Variants in GRM5 observed in about 807,000 individuals in gnomAD.
GRM5 encodes glutamate metabotropic receptor 5, also known as metabotropic glutamate receptor 5.
In GRM5, 19 loss-of-function variants were observed where a neutral mutation model predicts 83.1. The observed-to-expected ratio is 0.23, with a 90% CI of 0.16 to 0.34. GRM5 has a LOEUF of 0.34. Ranked by LOEUF, GRM5 falls within the 10% of genes least tolerant of loss-of-function variation. The pLI is 1.00. For missense variants in GRM5, 1,160 were observed against 1,588.3 expected (o/e 0.73, Z 4.58); for synonymous variants, 675 against 633.6 (o/e 1.07, Z -0.98).
intron 2 of GRM5, among the ~76,000 whole-genome samples, chr11:88,862,946 G>C (rs1944591530): frequency 6.6e-6 from 1 of 152,040 alleles, no homozygotes; most frequent in East Asian, 1.9e-4. Flanking sequence ...TAAAAAGTGG[G>C]CAAAGGCCAT....
At chr11:88,805,516 T>C (rs1008103548) in intron 3 of GRM5, among the ~76,000 whole-genome samples, 15 of 145,494 alleles carry the variant, frequency 1.0e-4, no homozygotes, top group African/African-American at 3.8e-4. Context: ...ACAGAAAATA[T>C]TGATTTTTAA....
intron 2 of GRM5, among the ~76,000 whole-genome samples, chr11:88,895,006 T>C (rs1052588900): frequency 2.6e-5 from 4 of 151,942 alleles, no homozygotes; most frequent in Admixed American, 2.0e-4. Context: ...ATTTTTGTTA[T>C]AGTAGCCTGA....
At chr11:88,906,529 A>G (rs1945406915) in intron 2 of GRM5, among the ~76,000 whole-genome samples, 1 of 152,148 alleles carries the variant, frequency 6.6e-6, no homozygotes, top group Admixed American at 6.6e-5. Context: ...TTTCATTTCT[A>G]TTTTACTTTC....
chr11:88,597,433 A>G (rs186893017), intron 5 of GRM5, 81 bp from the exon 6 acceptor site: 774 of 717,766 alleles, frequency 1.1e-3, no homozygotes, highest in Non-Finnish European at 1.5e-3. Flanking sequence ...TTATTCCCAA[A>G]AATGTGTCTA....
intron 4 of GRM5, among the ~76,000 whole-genome samples, chr11:88,640,953 T>C (rs1046109681): frequency 5.9e-5 from 9 of 152,118 alleles, no homozygotes; most frequent in African/African-American, 2.2e-4. Context: ...ACAAAAAGTG[T>C]AGATTCTTCT....
chr11:88,534,499 A>G (rs149450276), intron 8 of GRM5, among the ~76,000 whole-genome samples: 1 of 152,134 alleles, frequency 6.6e-6, no homozygotes, highest in Non-Finnish European at 1.5e-5. Context: ...GTTTTGGCCA[A>G]TTTCTCCCAT....
chr11:88,570,426 C>T (rs917254410), intron 7 of GRM5, among the ~76,000 whole-genome samples: 13 of 150,704 alleles, frequency 8.6e-5, no homozygotes, highest in Non-Finnish European at 1.5e-4. Flanking sequence ...TAGTCATCTA[C>T]GTTCCCATGT....
In GRM5 at chr11:89,003,889, T is replaced by C. The variant is rs185796139; in HGVS notation, c.661+43323A>G. On this transcript the variant is annotated intron_variant, in intron 2 of 9. Transcript: ENST00000305447. Reference sequence around the variant, plus strand: ...CAGGTAGAATTAGCCAAAGCTGGAGTTGCTCCAGTCAAGTATGGTGGCAGG... The same window carrying C: ...CAGGTAGAATTAGCCAAAGCTGGAGCTGCTCCAGTCAAGTATGGTGGCAGG... Among the ~76,000 whole-genome samples the C allele has an allele frequency of 2.0e-4, 31 of 152,130 alleles. No homozygotes were observed. In the East Asian group the frequency reaches 6.0e-3, roughly 29 times the overall value.
chr11:88,741,282 A>G (rs1051939087), intron 3 of GRM5, among the ~76,000 whole-genome samples: 2 of 152,032 alleles, frequency 1.3e-5, no homozygotes, highest in African/African-American at 4.8e-5. Flanking sequence ...TTGCAACTGG[A>G]CCAGTACAGT....
chr11:88,796,360 G>A (rs1943273179), intron 3 of GRM5, among the ~76,000 whole-genome samples: 1 of 152,116 alleles, frequency 6.6e-6, no homozygotes. Flanking sequence ...GTCCTAGTAT[G>A]CTGTTTGGAA....
chr11:88,776,390 C>T (rs113587562), intron 3 of GRM5, among the ~76,000 whole-genome samples: 6 of 152,090 alleles, frequency 3.9e-5, no homozygotes, highest in African/African-American at 1.2e-4. Flanking sequence ...TGACTCTATC[C>T]AATTTGACAG....
intron 7 of GRM5, among the ~76,000 whole-genome samples, chr11:88,570,550 A>T (rs1051652892): frequency 6.9e-5 from 5 of 71,960 alleles, no homozygotes; most frequent in African/African-American, 3.3e-4. Flanking sequence ...AAGTATTAAT[A>T]ATATATATAT....
intron 1 of GRM5, among the ~76,000 whole-genome samples, chr11:89,052,472 A>G (rs1726488175): frequency 6.6e-6 from 1 of 152,190 alleles, no homozygotes; most frequent in African/African-American, 2.4e-5. Context: ...TGCAAGACTT[A>G]TATATTTCAG....
chr11:88,833,627 G>A (rs1944038857), intron 3 of GRM5, among the ~76,000 whole-genome samples: 1 of 152,146 alleles, frequency 6.6e-6, no homozygotes, highest in African/African-American at 2.4e-5. Context: ...GTATGTATCT[G>A]AAGAAAAGGA....
At chr11:89,023,493 C>T (rs1261834082) in intron 2 of GRM5, among the ~76,000 whole-genome samples, 7 of 152,042 alleles carry the variant, frequency 4.6e-5, no homozygotes, top group Non-Finnish European at 7.4e-5. Context: ...AGGGTCTTTC[C>T]TTGTCCAGCC....
chr11:88,796,846 C>T (rs1254109075), intron 3 of GRM5, among the ~76,000 whole-genome samples: 1 of 150,822 alleles, frequency 6.6e-6, no homozygotes, highest in Non-Finnish European at 1.5e-5. Context: ...GAAACAGGTG[C>T]CTGTATTTCT....
intron 3 of GRM5, among the ~76,000 whole-genome samples, chr11:88,841,085 C>CA (rs1311194890): frequency 6.6e-6 from 1 of 152,088 alleles, no homozygotes; most frequent in African/African-American, 2.4e-5. Context: ...ACTGTATTGT[C>CA]AAAAAACAGG....
chr11:88,947,513 C>G (rs2135674095), intron 2 of GRM5, among the ~76,000 whole-genome samples: 1 of 151,720 alleles, frequency 6.6e-6, no homozygotes, highest in South Asian at 2.1e-4. Context: ...TTCTTTTTAC[C>G]ATTGCGTCCT....
chr11:88,653,441 T>C (rs372474895), intron 3 of GRM5, 38 bp from the exon 4 acceptor site: 1 of 1,393,112 alleles, frequency 7.2e-7, no homozygotes, highest in Admixed American at 1.7e-5. Flanking sequence ...TTAGAACAGA[T>C]ATCTCCTAAG....
Sources: allele counts gnomAD v4.1 joint callset (sites outside exome capture counted in the v4.1 genomes callset), GRCh38; gene constraint gnomAD v4.1.1; transcripts MANE v1.5; gene names NCBI Gene and HGNC (gene_info 2026-07-23, HGNC 2026-07-21).